Variants in DTNB observed in about 807,000 individuals in gnomAD.
DTNB encodes the protein DTN-B.
In DTNB, 63 loss-of-function variants were observed where a neutral mutation model predicts 90.7. That is an observed-to-expected ratio of 0.69 (90% CI 0.57 to 0.86). The LOEUF (loss-of-function observed/expected upper bound fraction) is 0.86. Among genes scored for constraint, DTNB ranks in the 40% least tolerant of loss-of-function variants. DTNB has a pLI of 0.00. For synonymous variants in DTNB, 277 were observed against 286.7 expected (o/e 0.97, Z 0.34); for missense variants, 744 against 807.1 (o/e 0.92, Z 0.95).
At chr2:25,404,716 G>A (rs1343490418) in intron 16 of DTNB, among the ~76,000 whole-genome samples, 1 of 151,986 alleles carries the variant, frequency 6.6e-6, no homozygotes, top group East Asian at 1.9e-4. Flanking sequence ...TTAGCCAGGC[G>A]TGGTGGCACG....
intron 1 of DTNB, among the ~76,000 whole-genome samples, chr2:25,669,689 G>GT (rs553378555): frequency 2.6e-5 from 4 of 152,190 alleles, no homozygotes; most frequent in Non-Finnish European, 5.9e-5. Context: ...GCGCTGTGAT[G>GT]TAAGTCCACA....
chr2:25,413,741 C>T (rs535466151), intron 16 of DTNB, among the ~76,000 whole-genome samples: 7 of 152,178 alleles, frequency 4.6e-5, no homozygotes, highest in African/African-American at 7.2e-5. Context: ...AACACACATA[C>T]GTGTGCATGT....
intron 8 of DTNB, among the ~76,000 whole-genome samples, chr2:25,544,818 A>C (rs1472667897): frequency 1.3e-5 from 2 of 152,218 alleles, no homozygotes; most frequent in Admixed American, 6.5e-5. Context: ...AAAGTCATCC[A>C]CATTTATCAA....
At chr2:25,381,203 G>A (rs192809384) in intron 19 of DTNB, among the ~76,000 whole-genome samples, 85 of 151,656 alleles carry the variant, frequency 5.6e-4, no homozygotes, top group Non-Finnish European at 6.5e-4. Context: ...GTGCATGTGC[G>A]TGTGCGTGTG....
intron 6 of DTNB, among the ~76,000 whole-genome samples, chr2:25,581,091 C>T (rs2061497317): frequency 1.3e-5 from 2 of 151,956 alleles, no homozygotes; most frequent in African/African-American, 4.8e-5. Flanking sequence ...ACTATATTCA[C>T]TTTACAGATA....
chr2:25,584,808 C>T (rs952656907), intron 6 of DTNB, among the ~76,000 whole-genome samples: 1 of 152,186 alleles, frequency 6.6e-6, no homozygotes, highest in African/African-American at 2.4e-5. Context: ...CCACCTGCCT[C>T]GGCCTCCCAG....
intron 8 of DTNB, among the ~76,000 whole-genome samples, chr2:25,574,060 T>C (rs1417021877): frequency 6.6e-6 from 1 of 152,180 alleles, no homozygotes; most frequent in Non-Finnish European, 1.5e-5. Context: ...AAGACACCTA[T>C]CATTCTGTTC....
intron 8 of DTNB, among the ~76,000 whole-genome samples, chr2:25,568,869 A>G (rs1349560880): frequency 6.6e-6 from 1 of 152,198 alleles, no homozygotes; most frequent in Non-Finnish European, 1.5e-5. Flanking sequence ...CTCTTCACAT[A>G]AGGCAGAACG....
At chr2:25,541,985 T>C (rs1242486786) in intron 8 of DTNB, among the ~76,000 whole-genome samples, 1 of 152,364 alleles carries the variant, frequency 6.6e-6, no homozygotes, top group Admixed American at 6.5e-5. Flanking sequence ...TTCAACATTT[T>C]GCCAGTAAAT....
intron 8 of DTNB, among the ~76,000 whole-genome samples, chr2:25,546,100 T>C (rs1451574110): frequency 6.6e-6 from 1 of 152,206 alleles, no homozygotes; most frequent in Non-Finnish European, 1.5e-5. Flanking sequence ...CTTTCATAAC[T>C]GTCTGTTCCT....
intron 16 of DTNB, among the ~76,000 whole-genome samples, chr2:25,411,416 C>G (rs2046576816): frequency 6.6e-6 from 1 of 152,082 alleles, no homozygotes; most frequent in Non-Finnish European, 1.5e-5. Context: ...GTGATATTTC[C>G]TCTTTTTGGA....
rs377157564 is a variant in DTNB at position 25,531,618 on chromosome 2, G to C, written c.877-21C>G. 3.1e-6 allele frequency: 5 copies of C among 1,611,712 alleles called. No individual in the cohort carries two copies. In the African/African-American group the frequency reaches 6.7e-5, roughly 22 times the overall value. ...GATTTCTGTGTCAAAGCAGAAAATA[G>C]TAAGGAATTAACCCTTCAAAAGAAT... On this transcript the variant is annotated intron_variant, in intron 8 of 20. Coordinates refer to ENST00000406818, the MANE Select transcript of DTNB (RefSeq NM_021907.5).
At chr2:25,620,374 A>G (rs536102119) in intron 4 of DTNB, among the ~76,000 whole-genome samples, 2 of 152,302 alleles carry the variant, frequency 1.3e-5, no homozygotes, top group South Asian at 4.1e-4. Flanking sequence ...TTAATTTCGA[A>G]GTGAGGTACT....
intron 15 of DTNB, among the ~76,000 whole-genome samples, chr2:25,420,467 A>ATCT (rs1553355814): frequency 1.7e-4 from 25 of 145,526 alleles, no homozygotes; most frequent in Non-Finnish European, 3.0e-4. Context: ...CATCTAAATC[A>ATCT]ATCTATCTAT....
chr2:25,466,258 C>T (rs1315333653), intron 10 of DTNB, among the ~76,000 whole-genome samples: 1 of 152,186 alleles, frequency 6.6e-6, no homozygotes, highest in Admixed American at 6.5e-5. Flanking sequence ...TCGCTTGAAC[C>T]TGGGAGGCAG....
At position 25,557,296 on chromosome 2, in the gene DTNB, C is replaced by T. The variant is rs190386689; in HGVS notation, c.876+19542G>A. ...CCATGTGCTTCTGTGTATGGTGGCA[C>T]TCTCCAGGGCCTGGAACTGAGATGT... On this transcript the variant is annotated intron_variant, in intron 8 of 20. Transcript: ENST00000406818. Among the ~76,000 whole-genome samples, 42 of 152,278 alleles carry T rather than the reference C, an allele frequency of 2.8e-4. 1 individual carries two copies. Among genetic ancestry groups the T allele is most frequent in the Admixed American group, 2.4e-3 (36 of 15,306 alleles).
At chr2:25,471,740 C>A (rs2062851664) in intron 10 of DTNB, among the ~76,000 whole-genome samples, 1 of 152,064 alleles carries the variant, frequency 6.6e-6, no homozygotes, top group African/African-American at 2.4e-5. Context: ...TCATATTGAA[C>A]AAGAAAACAT....
At chr2:25,596,850 T>C (rs2064771997) in intron 5 of DTNB, among the ~76,000 whole-genome samples, 1 of 152,236 alleles carries the variant, frequency 6.6e-6, no homozygotes, top group African/African-American at 2.4e-5. Flanking sequence ...TGTAAGACCC[T>C]ATTTTTATAT....
intron 9 of DTNB, among the ~76,000 whole-genome samples, chr2:25,498,020 CA>C (rs2069394838): frequency 6.6e-6 from 1 of 152,114 alleles, no homozygotes; most frequent in Admixed American, 6.5e-5. Flanking sequence ...CAAATTAGAA[CA>C]AAACTCTTTG....
Sources: gnomAD v4.1 joint callset for allele counts (sites outside exome capture counted in the v4.1 genomes callset) on GRCh38, gnomAD v4.1.1 for gene constraint, MANE v1.5 for transcripts, NCBI Gene and HGNC (gene_info 2026-07-23, HGNC 2026-07-21) for gene names.